Variants in ZNF350 observed in about 807,000 individuals in gnomAD.
ZNF350 encodes the protein zinc finger protein 350.
In ZNF350, 5 loss-of-function variants were observed where a neutral mutation model predicts 13.1. The ratio of observed to expected loss-of-function variants is 0.38; its 90% CI spans 0.20 to 0.80. The LOEUF (loss-of-function observed/expected upper bound fraction) is 0.80, where lower values mean the gene tolerates loss of function less well. Among genes scored for constraint, ZNF350 ranks in the 30% least tolerant of loss-of-function variants. ZNF350 has a pLI of 0.43. For synonymous variants in ZNF350, 199 were observed against 224.2 expected, an observed-to-expected ratio of 0.89 and a Z score of 1.00; for missense variants, 534 against 644.2, an observed-to-expected ratio of 0.83 and a Z score of 1.85.
chr19:51,986,718 A>T (rs1038119741), intron 1 of ZNF350, 52 bp downstream of exon 1: 1 of 152,418 alleles, frequency 6.6e-6, no homozygotes, highest in African/African-American at 2.4e-5. Flanking sequence ...TTCCACTGAG[A>T]CAAAACCTGA....
rs1018787279 is a variant in ZNF350 at position 51,976,751 on chromosome 19, A to C, written c.-171-2220T>G. The stretch of plus-strand genomic sequence containing the variant: ...TAATTCGCAGACACTAACCTCCTGC[A>C]GAAGCCACAAAAGGTTATTACACAT... On this transcript the variant is annotated intron_variant, in intron 1 of 4. Transcript: ENST00000243644. This position sits in a 1 kb window ranked among gnomAD's most constrained non-coding sequence, Gnocchi z 4.5. The C allele has an allele frequency of 6.6e-5, 10 of 152,250 alleles. No individual in the cohort carries two copies. Among genetic ancestry groups the C allele is most frequent in the African/African-American group, 2.2e-4 (9 of 41,458 alleles). 9.4% of individuals were successfully genotyped at this position (152,250 alleles called of 1,614,324 possible). A position where few individuals can be genotyped will look rare whatever the true frequency, so the allele number is the denominator to read the frequency against.
chr19:51,971,793 C>T (rs1474244500), intron 2 of ZNF350, among the ~76,000 whole-genome samples: 1 of 152,102 alleles, frequency 6.6e-6, no homozygotes, highest in African/African-American at 2.4e-5. Context: ...GTCTTTTATT[C>T]CTGTGTTCAC....
intron 1 of ZNF350, among the ~76,000 whole-genome samples, chr19:51,980,264 A>G (rs541857464): frequency 6.6e-6 from 1 of 152,310 alleles, no homozygotes; most frequent in African/African-American, 2.4e-5. Context: ...TCCCTGGGCT[A>G]TGGATTCTTG....
intron 1 of ZNF350, among the ~76,000 whole-genome samples, chr19:51,975,886 G>A (rs1165195059): frequency 2.6e-5 from 4 of 152,222 alleles, no homozygotes; most frequent in African/African-American, 7.2e-5. Flanking sequence ...GCAGGGAGCC[G>A]AAGGCTCGTG....
chr19:51,968,498 A>G, intron 4 of ZNF350, 80 bp downstream of exon 4: 3 of 1,235,032 alleles, frequency 2.4e-6, no homozygotes, highest in Non-Finnish European at 3.6e-6. Flanking sequence ...ATATCCTCAA[A>G]CCCCCTTCAC....
At position 51,965,738 on chromosome 19, in the gene ZNF350, A is replaced by G. The variant is rs1346373638; in HGVS notation, c.715T>C (p.Cys239Arg). Residue 239 changes from cysteine (C) to arginine (R), a missense_variant, in exon 5 of 5, where the codon TGT becomes CGT. By Grantham distance (180) the Cys-to-Arg change is radical. Transcript: ENST00000243644. The part of the protein sequence containing the change: ...TGEKPHRCSL[C>R]EKAFSRKFML... ...AACTTTCTGGAGAAGGCTTTCTCAC[A>G]TAGACTACATCTGTGGGGTTTCTCT... The G allele has an allele frequency of 6.2e-7, 1 of 1,613,834 alleles. No individual in the cohort carries two copies. Among genetic ancestry groups the G allele is most frequent in the African/African-American group, 1.3e-5 (1 of 74,916 alleles).
At chr19:51,971,902 G>A (rs1222765386) in intron 2 of ZNF350, among the ~76,000 whole-genome samples, 3 of 152,184 alleles carry the variant, frequency 2.0e-5, no homozygotes, top group Non-Finnish European at 4.4e-5. Flanking sequence ...AGCAGGGACT[G>A]GCCTAGTGAC....
chr19:51,970,988 C>T (rs577112117), intron 2 of ZNF350, among the ~76,000 whole-genome samples: 1 of 152,196 alleles, frequency 6.6e-6, no homozygotes, highest in Non-Finnish European at 1.5e-5. Context: ...CACAGCCCAA[C>T]CTTGAAGACC....
At chr19:51,974,863 T>C (rs1222541620) in intron 1 of ZNF350, 1 of 153,392 alleles carries the variant, frequency 6.5e-6, no homozygotes, top group Non-Finnish European at 1.5e-5. Flanking sequence ...GAGGACCTGG[T>C]CTTTGTTTTC....
rs374933162 is a variant in ZNF350 at position 51,985,203 on chromosome 19, CCAAA to C, written c.-172+1563_-172+1566del. The stretch of plus-strand genomic sequence containing the variant: ...AAAGTAAAGGAAGAGATCAACCATA[CCAAA>C]CAGTTTACCTCCAGGAAAGGTGTTA... On this transcript the variant is annotated intron_variant, in intron 1 of 4. Transcript: ENST00000243644. Among the ~76,000 whole-genome samples the C allele has an allele frequency of 1.2e-4, 18 of 152,158 alleles. No homozygotes were observed. The East Asian group carries it at 2.5e-3, about 21-fold the overall frequency.
chr19:51,965,101 A>G lies in ZNF350; in HGVS notation c.1352T>C (p.Met451Thr). ...CCCGTTAGCAGAGTTTTTCTCCTGC[A>G]TGACATCACTGGTGTGTAATGAGCT... ...RHSSLHTSDV[M>T]QEKNSANGAT... Residue 451 changes from methionine to threonine, a missense_variant, in exon 5 of 5, where the codon ATG becomes ACG. Met to Thr is a moderately conservative substitution (Grantham distance 81). Coordinates refer to ENST00000243644, the MANE Select transcript of ZNF350 (RefSeq NM_021632.4). 1.2e-6 allele frequency: 2 copies of G among 1,614,234 alleles called. No homozygotes were observed. Among genetic ancestry groups the G allele is most frequent in the South Asian group, 1.1e-5 (1 of 91,088 alleles).
intron 1 of ZNF350, among the ~76,000 whole-genome samples, chr19:51,979,666 A>T (rs1254014474): frequency 6.6e-6 from 1 of 152,220 alleles, no homozygotes; most frequent in Non-Finnish European, 1.5e-5. Context: ...GATTCCATTC[A>T]ATAGTTCCTA....
At chr19:51,968,865 A>C in intron 3 of ZNF350, 140 bp downstream of exon 3, 1 of 1,557,286 alleles carries the variant, frequency 6.4e-7, no homozygotes, top group Non-Finnish European at 8.8e-7. Flanking sequence ...GGTAGATTAC[A>C]CCGTCTTGTG....
At chr19:51,966,294 T>G in intron 4 of ZNF350, 80 bp from the exon 5 acceptor site, 2 of 1,445,532 alleles carry the variant, frequency 1.4e-6, no homozygotes, top group South Asian at 1.5e-5. Flanking sequence ...TTTTTTGTTT[T>G]TTTTTTTAAG....
intron 2 of ZNF350, among the ~76,000 whole-genome samples, chr19:51,970,208 C>T (rs2085699090): frequency 6.6e-6 from 1 of 151,770 alleles, no homozygotes; most frequent in Admixed American, 6.6e-5. Context: ...ATTACAGGTG[C>T]CCGCCACCAC....
intron 2 of ZNF350, among the ~76,000 whole-genome samples, chr19:51,972,308 AAGG>A (rs2085761245): frequency 6.6e-6 from 1 of 150,956 alleles, no homozygotes; most frequent in South Asian, 2.1e-4. Context: ...AAAAAAAAAA[AAGG>A]AAAAAAGAAA....
chr19:51,985,119 T>C (rs1238773368), intron 1 of ZNF350, among the ~76,000 whole-genome samples: 1 of 152,204 alleles, frequency 6.6e-6, no homozygotes, highest in South Asian at 2.1e-4. Context: ...CTTATACATA[T>C]ATTGCCTCCA....
intron 1 of ZNF350, among the ~76,000 whole-genome samples, chr19:51,979,702 G>C (rs1244498011): frequency 6.6e-6 from 1 of 152,194 alleles, no homozygotes. Context: ...CCAGTGTCTT[G>C]ATCCACTGGC....
chr19:51,974,201 T>G, intron 2 of ZNF350, 145 bp downstream of exon 2: 1 of 786,618 alleles, frequency 1.3e-6, no homozygotes, highest in Non-Finnish European at 2.0e-6. Flanking sequence ...TTGCATGATA[T>G]TGAGTTTAAA....
Sources: gnomAD v4.1 joint callset for allele counts (sites outside exome capture counted in the v4.1 genomes callset) on GRCh38, gnomAD v4.1.1 for gene constraint, Gnocchi (gnomAD v3.1) non-coding constraint, MANE v1.5 for transcripts, NCBI Gene and HGNC (gene_info 2026-07-23, HGNC 2026-07-21) for gene names.